Variants in FBXL20 observed in about 807,000 individuals in gnomAD.
FBXL20 encodes F-box/LRR-repeat protein 20.
A neutral mutation model predicts 64.0 loss-of-function variants in FBXL20; 11 were observed. The ratio of observed to expected loss-of-function variants is 0.17; its 90% confidence interval spans 0.11 to 0.28. The LOEUF is 0.28. Ranked by LOEUF, FBXL20 falls within the 10% of genes least tolerant of loss-of-function variation. The pLI, the probability that FBXL20 is intolerant of heterozygous loss-of-function variation, is 1.00. For synonymous variants in FBXL20, 184 were observed against 189.0 expected, an observed-to-expected ratio of 0.97 and a Z score of 0.22; for missense variants, 303 against 526.2, an observed-to-expected ratio of 0.58 and a Z score of 4.15.
At chr17:39,402,402 C>A (rs1023202765), upstream of FBXL20, 52 of 406,358 alleles carry the variant, frequency 1.3e-4, 1 homozygote, top group Non-Finnish European at 2.1e-4. Context: ...CTCGGGAGGG[C>A]GAGGGTGGTT....
intron 8 of FBXL20, 108 bp downstream of exon 8, chr17:39,282,621 C>T: frequency 7.0e-7 from 1 of 1,433,982 alleles, no homozygotes. Context: ...GTCAATAATA[C>T]ACACAACTAA....
chr17:39,357,068 G>A (rs2047748435), intron 1 of FBXL20, among the ~76,000 whole-genome samples: 1 of 151,368 alleles, frequency 6.6e-6, no homozygotes, highest in African/African-American at 2.4e-5. Context: ...GAGGTTGGGA[G>A]TTCGAGACCA....
chr17:39,309,950 T>C (rs1340910210), intron 2 of FBXL20, among the ~76,000 whole-genome samples: 2 of 149,252 alleles, frequency 1.3e-5, no homozygotes, highest in Admixed American at 1.3e-4. Context: ...AGCCCATGAG[T>C]TCAAGACCAG....
At chr17:39,374,236 GA>G (rs889979109) in intron 1 of FBXL20, among the ~76,000 whole-genome samples, 6 of 141,814 alleles carry the variant, frequency 4.2e-5, no homozygotes, top group African/African-American at 1.0e-4. Flanking sequence ...AAGAAAAAAA[GA>G]AAAAAAAAAG....
chr17:39,383,481 G>A (rs1243054548), intron 1 of FBXL20, among the ~76,000 whole-genome samples: 2 of 151,748 alleles, frequency 1.3e-5, no homozygotes, highest in Non-Finnish European at 2.9e-5. Flanking sequence ...AACCCTACAA[G>A]GATAATCACC....
chr17:39,352,271 G>C (rs8071300), intron 1 of FBXL20, among the ~76,000 whole-genome samples: 32,452 of 151,854 alleles, frequency 0.21, 3,972 homozygotes, highest in African/African-American at 0.33. Flanking sequence ...GGTGTGTGCC[G>C]GTAGTTCCAG....
chr17:39,326,153 T>C (rs1291280578), intron 2 of FBXL20, among the ~76,000 whole-genome samples: 1 of 151,762 alleles, frequency 6.6e-6, no homozygotes, highest in Non-Finnish European at 1.5e-5. Flanking sequence ...TCCTAACTTC[T>C]CACCAGGAGT....
At chr17:39,362,572 C>T (rs2144617388) in intron 1 of FBXL20, among the ~76,000 whole-genome samples, 1 of 152,026 alleles carries the variant, frequency 6.6e-6, no homozygotes, top group Admixed American at 6.6e-5. Flanking sequence ...ATCCACCTGC[C>T]TCGGCCTCCC....
intron 1 of FBXL20, among the ~76,000 whole-genome samples, chr17:39,360,967 T>C (rs2144613654): frequency 6.6e-6 from 1 of 152,280 alleles, no homozygotes; most frequent in African/African-American, 2.4e-5. Flanking sequence ...CTAGTAGCAA[T>C]TTCCCCCATT....
intron 3 of FBXL20, among the ~76,000 whole-genome samples, chr17:39,301,589 G>A (rs1440275341): frequency 2.0e-5 from 3 of 152,136 alleles, no homozygotes; most frequent in Non-Finnish European, 4.4e-5. Flanking sequence ...TTAGCCGGGT[G>A]TGGTGGCACG....
intron 2 of FBXL20, among the ~76,000 whole-genome samples, chr17:39,318,740 T>TAAAC (rs894205679): frequency 1.1e-4 from 17 of 151,524 alleles, no homozygotes; most frequent in South Asian, 4.2e-4. Flanking sequence ...AACTCCATCT[T>TAAAC]AAACAAACAA....
chr17:39,336,153 AAT>A (rs1310153095), intron 2 of FBXL20, among the ~76,000 whole-genome samples: 2 of 152,116 alleles, frequency 1.3e-5, no homozygotes, highest in East Asian at 3.9e-4. Flanking sequence ...ACTAGAATAA[AAT>A]AGAGGAACCA....
intron 2 of FBXL20, among the ~76,000 whole-genome samples, chr17:39,311,885 T>C (rs2047238334): frequency 6.6e-6 from 1 of 152,146 alleles, no homozygotes. Flanking sequence ...AGGTTCTCTA[T>C]GAAATAAAGC....
At chr17:39,317,689 GTT>G (rs756785816) in intron 2 of FBXL20, among the ~76,000 whole-genome samples, 1 of 47,136 alleles carries the variant, frequency 2.1e-5, no homozygotes, top group Non-Finnish European at 4.0e-5. Context: ...TTTTTTTTTT[GTT>G]TTTTTTTTTG....
chr17:39,379,906 G>A (rs2048005961), intron 1 of FBXL20, among the ~76,000 whole-genome samples: 1 of 152,130 alleles, frequency 6.6e-6, no homozygotes. Context: ...TTGAGCCCAG[G>A]AGGTCAAGGC....
intron 1 of FBXL20, among the ~76,000 whole-genome samples, chr17:39,356,470 C>G (rs543709289): frequency 6.6e-6 from 1 of 152,216 alleles, no homozygotes; most frequent in South Asian, 2.1e-4. Flanking sequence ...ATCATCCCAT[C>G]TCAGCCCCCC....
intron 2 of FBXL20, among the ~76,000 whole-genome samples, chr17:39,340,072 C>T (rs1411645095): frequency 2.6e-5 from 4 of 152,086 alleles, no homozygotes; most frequent in South Asian, 4.1e-4. Context: ...CTGGGATGCC[C>T]GCTGCCACCA....
intron 6 of FBXL20, among the ~76,000 whole-genome samples, chr17:39,296,188 G>A (rs1381033333): frequency 2.0e-5 from 3 of 152,186 alleles, no homozygotes; most frequent in Non-Finnish European, 4.4e-5. Flanking sequence ...AGTTCTACTG[G>A]TATAAAGTAA....
intron 2 of FBXL20, among the ~76,000 whole-genome samples, chr17:39,304,948 G>C (rs1342371314): frequency 1.3e-5 from 2 of 151,932 alleles, no homozygotes; most frequent in Non-Finnish European, 2.9e-5. Context: ...GTAGAGATGG[G>C]GTTTCACCGT....
Sources: gnomAD v4.1 joint callset for allele counts (sites outside exome capture counted in the v4.1 genomes callset) on GRCh38, gnomAD v4.1.1 for gene constraint, MANE v1.5 for transcripts, NCBI Gene and HGNC (gene_info 2026-07-23, HGNC 2026-07-21) for gene names.